The following SEMA6D variants were observed in gnomAD, a reference collection of about 807,000 sequenced individuals.
SEMA6D encodes the protein semaphorin 6D.
In SEMA6D, 35 loss-of-function variants were observed where a neutral mutation model predicts 106.6. That is an observed-to-expected ratio of 0.33 (90% CI 0.25 to 0.44). The LOEUF (loss-of-function observed/expected upper bound fraction) is 0.44, where lower values mean the gene tolerates loss of function less well. SEMA6D is among the 20% of genes least tolerant of loss of function. The pLI is 1.00. For missense variants in SEMA6D, 1,185 were observed against 1,345.9 expected (o/e 0.88, Z 1.87); for synonymous variants, 499 against 487.7 (o/e 1.02, Z -0.31).
In SEMA6D at chr15:47,572,076, A is replaced by T. The variant is rs146159340; in HGVS notation, c.-86-28789A>T. Among the ~76,000 whole-genome samples the T allele has an allele frequency of 4.6e-5, 7 of 152,344 alleles. No individual in the cohort carries two copies. The East Asian group carries it at 1.4e-3, about 29-fold the overall frequency. On this transcript the variant is annotated intron_variant, in intron 3 of 19. Transcript: ENST00000558014. ...GACTCTAGATGAGGTTGAAAATTTC[A>T]GCCTAGGAAACACCTCCTTGATCAC...
At chr15:47,766,853 C>T (rs936976775) in intron 16 of SEMA6D, among the ~76,000 whole-genome samples, 176 bp downstream of exon 16, 26 of 151,424 alleles carry the variant, frequency 1.7e-4, no homozygotes, top group Middle Eastern at 3.4e-3. Flanking sequence ...AAGAGGCTTA[C>T]TTTTTTTTTC....
At chr15:47,339,036 C>G (rs1276415122) in intron 1 of SEMA6D, 1 of 152,112 alleles carries the variant, frequency 6.6e-6, no homozygotes, top group Non-Finnish European at 1.5e-5. Context: ...TCAATCATGC[C>G]TATGTAATGC....
chr15:47,471,921 TCTCTCTCTCTCACA>T lies in SEMA6D; in HGVS notation c.-87+1378_-87+1391del, dbSNP rs1168489337. Reference sequence around the variant, plus strand: ...TGTGCTCTTTCTCTCTCTCTCTCTCTCTCTCTCTCTCACACACACACACACACACACACACACAC... The same window carrying T: ...TGTGCTCTTTCTCTCTCTCTCTCTCTCACACACACACACACACACACACAC... On this transcript the variant is annotated intron_variant, in intron 3 of 19. Transcript: ENST00000558014. Among the ~76,000 whole-genome samples the T allele has an allele frequency of 1.3e-3, 177 of 136,860 alleles. 1 individual carries two copies. The highest frequency in any genetic ancestry group is 7.6e-3 in the South Asian group (33 of 4,320). 89.8% of individuals were successfully genotyped at this position (136,860 alleles called of 152,430 possible). A position where few individuals can be genotyped will look rare whatever the true frequency, so the allele number is the denominator to read the frequency against.
chr15:47,388,051 TC>T (rs2039900518), intron 1 of SEMA6D, among the ~76,000 whole-genome samples: 1 of 152,174 alleles, frequency 6.6e-6, no homozygotes, highest in Non-Finnish European at 1.5e-5. Flanking sequence ...GTCCTAGGGC[TC>T]CCTGGGGATA....
intron 1 of SEMA6D, among the ~76,000 whole-genome samples, chr15:47,217,637 TA>T: frequency 6.6e-6 from 1 of 151,440 alleles, no homozygotes; most frequent in East Asian, 1.9e-4. Context: ...TGTATTTTAC[TA>T]AAAAATACAG....
At chr15:47,586,979 A>G (rs373396557) in intron 3 of SEMA6D, among the ~76,000 whole-genome samples, 103 of 149,360 alleles carry the variant, frequency 6.9e-4, no homozygotes, top group Admixed American at 1.6e-3. Context: ...GAAGGCTGCC[A>G]AAGGGTAGGC....
intron 1 of SEMA6D, among the ~76,000 whole-genome samples, chr15:47,244,849 C>T (rs529891920): frequency 1.1e-4 from 16 of 152,254 alleles, no homozygotes; most frequent in South Asian, 4.1e-4. Flanking sequence ...TGCCCACTCC[C>T]GTCATCCCCC....
chr15:47,481,673 T>G (rs781062522), intron 3 of SEMA6D, among the ~76,000 whole-genome samples: 8 of 152,204 alleles, frequency 5.3e-5, no homozygotes, highest in Non-Finnish European at 1.0e-4. Flanking sequence ...ACTGCAGTGC[T>G]CTGAACAGGA....
intron 1 of SEMA6D, among the ~76,000 whole-genome samples, chr15:47,361,195 G>A (rs2038790897): frequency 6.6e-6 from 1 of 152,122 alleles, no homozygotes; most frequent in South Asian, 2.1e-4. Context: ...CATTTTAGGG[G>A]TCCAGCTATG....
chr15:47,278,155 A>G (rs962216577), intron 1 of SEMA6D, among the ~76,000 whole-genome samples: 1 of 152,074 alleles, frequency 6.6e-6, no homozygotes, highest in Admixed American at 6.6e-5. Context: ...GTCAAATGGT[A>G]TTTCTAGTTC....
At chr15:47,257,259 A>G (rs934359333) in intron 1 of SEMA6D, among the ~76,000 whole-genome samples, 5 of 152,066 alleles carry the variant, frequency 3.3e-5, no homozygotes, top group East Asian at 1.9e-4. Context: ...GGGTTTCACC[A>G]TGTTAGCTAG....
At chr15:47,318,660 T>C (rs2143543694) in intron 1 of SEMA6D, among the ~76,000 whole-genome samples, 1 of 131,144 alleles carries the variant, frequency 7.6e-6, no homozygotes, top group East Asian at 2.2e-4. Context: ...CTTAATCCAG[T>C]CTATCATTGT....
chr15:47,605,334 T>A (rs2076755915), intron 4 of SEMA6D: 1 of 152,212 alleles, frequency 6.6e-6, no homozygotes, highest in Non-Finnish European at 1.5e-5. Flanking sequence ...GGCATCAGAT[T>A]TCTTCCACAA....
At position 47,494,789 on chromosome 15, in the gene SEMA6D, T is replaced by TATAA. The variant is rs1172707329; in HGVS notation, c.-87+24245_-87+24246insTAAA. On this transcript the variant is annotated intron_variant, in intron 3 of 19. Coordinates refer to the SEMA6D transcript ENST00000558014. ...ATATATATATATATATATATATATATAATCTCCAGATACACACACACACAC... is the reference window on the plus strand; with the variant it reads ...ATATATATATATATATATATATATATATAAAATCTCCAGATACACACACACACAC... Among the ~76,000 whole-genome samples the TATAA allele has an allele frequency of 6.5e-4, 58 of 88,866 alleles. 3 individuals carry two copies. The highest frequency in any genetic ancestry group is 2.8e-3 in the African/African-American group (55 of 19,840). The allele number at this position is 88,866 out of a possible 152,430, so 58.3% of individuals were successfully genotyped here. A position where few individuals can be genotyped will look rare whatever the true frequency, so the allele number is the denominator to read the frequency against.
intron 1 of SEMA6D, among the ~76,000 whole-genome samples, chr15:47,724,207 G>A (rs1049609757): frequency 6.6e-6 from 1 of 152,262 alleles, no homozygotes; most frequent in African/African-American, 2.4e-5. Flanking sequence ...AGAGGAGGCA[G>A]AAGAAGGAAT....
At chr15:47,308,195 A>G (rs1009550013) in intron 1 of SEMA6D, among the ~76,000 whole-genome samples, 1 of 152,172 alleles carries the variant, frequency 6.6e-6, no homozygotes, top group Non-Finnish European at 1.5e-5. Flanking sequence ...TCTCTGGTGT[A>G]CATATTCTAC....
intron 4 of SEMA6D, among the ~76,000 whole-genome samples, chr15:47,681,443 G>A (rs2078351034): frequency 6.6e-6 from 1 of 152,162 alleles, no homozygotes; most frequent in Admixed American, 6.5e-5. Flanking sequence ...CAGGGACTGG[G>A]AGGAGGAGAA....
chr15:47,730,924 T>C, intron 1 of SEMA6D: 1 of 774,094 alleles, frequency 1.3e-6, no homozygotes, highest in Non-Finnish European at 2.3e-6. Context: ...TGGCCTTCTT[T>C]CCTTTCAGCA....
At chr15:47,613,031 G>T (rs2076941399) in intron 4 of SEMA6D, among the ~76,000 whole-genome samples, 1 of 152,106 alleles carries the variant, frequency 6.6e-6, no homozygotes, top group African/African-American at 2.4e-5. Flanking sequence ...CCTACCATTA[G>T]ACTTTATTTT....
Sources: gnomAD v4.1 joint callset for allele counts (sites outside exome capture counted in the v4.1 genomes callset) on GRCh38, gnomAD v4.1.1 for gene constraint, MANE v1.5 for transcripts, NCBI Gene and HGNC (gene_info 2026-07-23, HGNC 2026-07-21) for gene names.